MAP3K13: variants seen among roughly 807,000 people sequenced by gnomAD.
The protein encoded by MAP3K13 is leucine zipper-bearing kinase.
In MAP3K13, 52 loss-of-function variants were observed where a neutral mutation model predicts 104.0. The observed-to-expected ratio is 0.50, with a 90% CI of 0.40 to 0.63. MAP3K13 has a LOEUF of 0.63. MAP3K13 is among the 20% of genes least tolerant of loss of function. The pLI, the probability that MAP3K13 is intolerant of heterozygous loss-of-function variation, is 0.00. For synonymous variants in MAP3K13, 394 were observed against 442.2 expected, an observed-to-expected ratio of 0.89 and a Z score of 1.37; for missense variants, 914 against 1,218.5, an observed-to-expected ratio of 0.75 and a Z score of 3.72.
At chr3:185,390,714 C>T (rs1305618394) in intron 1 of MAP3K13, among the ~76,000 whole-genome samples, 2 of 150,824 alleles carry the variant, frequency 1.3e-5, no homozygotes, top group Non-Finnish European at 2.9e-5. Context: ...ACCTCTGCCT[C>T]CCAGGTTCAA....
chr3:185,333,440 A>G (rs1490612762), intron 2 of MAP3K13, among the ~76,000 whole-genome samples: 1 of 152,240 alleles, frequency 6.6e-6, no homozygotes, highest in African/African-American at 2.4e-5. Flanking sequence ...AAAAGAAATA[A>G]AACTGTCATT....
upstream of MAP3K13, among the ~76,000 whole-genome samples, chr3:185,362,574 A>G (rs1723673874): frequency 6.6e-6 from 1 of 152,140 alleles, no homozygotes; most frequent in Non-Finnish European, 1.5e-5. Flanking sequence ...CATTCGTGTA[A>G]TATTATTTTC....
At chr3:185,354,116 C>T (rs991152600) in intron 2 of MAP3K13, among the ~76,000 whole-genome samples, 3 of 152,012 alleles carry the variant, frequency 2.0e-5, no homozygotes, top group Non-Finnish European at 4.4e-5. Flanking sequence ...CTAGGAAGAG[C>T]GGCTCTTGGC....
chr3:185,473,769 G>A lies in MAP3K13; in HGVS notation c.2430+8G>A, dbSNP rs377683244. 6.2e-7 allele frequency: 1 copy of A among 1,608,082 alleles called. No individual in the cohort carries two copies. The highest frequency in any genetic ancestry group is 1.3e-5 in the African/African-American group (1 of 74,656). On this transcript the variant is annotated splice_region_variant and intron_variant, in intron 11 of 13. Transcript: ENST00000265026. The surrounding 1 kb of genome is among the most constrained non-coding windows in gnomAD (Gnocchi z 4.9). ...ACAAGGCCTCTGCAGAAGGTAAAGT[G>A]TAATGATGAGAGTGGCCTGCGTCAC...
chr3:185,456,562 T>C (rs1716758704), intron 7 of MAP3K13, among the ~76,000 whole-genome samples: 1 of 151,918 alleles, frequency 6.6e-6, no homozygotes, highest in African/African-American at 2.4e-5. Flanking sequence ...CTTTCGAACT[T>C]TAAGATATGG....
chr3:185,341,911 A>G (rs985112116), intron 2 of MAP3K13, among the ~76,000 whole-genome samples: 4 of 152,218 alleles, frequency 2.6e-5, no homozygotes, highest in African/African-American at 9.6e-5. Context: ...CAAATCTAAA[A>G]TATTTACTAT....
intron 1 of MAP3K13, among the ~76,000 whole-genome samples, chr3:185,379,060 G>A (rs1327724561): frequency 2.0e-5 from 3 of 152,164 alleles, no homozygotes; most frequent in Non-Finnish European, 4.4e-5. Flanking sequence ...GAAGGGTAGA[G>A]ACACGGAGAA....
In MAP3K13 at chr3:185,426,952, G is replaced by A. The variant is rs375670034; in HGVS notation, c.-85-1545G>A. On this transcript the variant is annotated intron_variant, in intron 1 of 13. Coordinates refer to ENST00000265026, the MANE Select transcript of MAP3K13 (RefSeq NM_004721.5). ...TTCTTTTACCCCCTCTGCAAAATGA[G>A]GTCATCTTCATACCCTGACCTCTAG... Among the ~76,000 whole-genome samples the A allele has an allele frequency of 1.5e-4, 23 of 152,186 alleles. No individual in the cohort carries two copies. The East Asian group carries it at 2.1e-3, about 14-fold the overall frequency.
At chr3:185,454,625 A>C (rs1271146139) in intron 7 of MAP3K13, among the ~76,000 whole-genome samples, 1 of 42,056 alleles carries the variant, frequency 2.4e-5, no homozygotes, top group African/African-American at 5.6e-5. Context: ...TATATATATG[A>C]GATATATATA....
In MAP3K13 at chr3:185,449,965, C is replaced by T. The variant is rs774495315; in HGVS notation, c.1076C>T (p.Ser359Leu). 5.0e-6 allele frequency: 8 copies of T among 1,613,856 alleles called. No individual in the cohort carries two copies. Among genetic ancestry groups the T allele is most frequent in the Non-Finnish European group, 6.8e-6 (8 of 1,179,898 alleles). ...GEIPYKDVDS[S>L]AIIWGVGSNS... is the part of the protein sequence containing the mutation. ...ATCCCTTACAAAGATGTAGATTCTTCAGCCATTATCTGGGGTGTTGGAAGC... is the reference window on the plus strand; with the variant it reads ...ATCCCTTACAAAGATGTAGATTCTTTAGCCATTATCTGGGGTGTTGGAAGC... The change falls in exon 6 of 14, where the codon TCA becomes TTA. Residue 359 changes from serine (S) to leucine (L), a missense_variant. Transcript: ENST00000265026.
At chr3:185,288,592 G>GA (rs1294755844) in intron 2 of MAP3K13, among the ~76,000 whole-genome samples, 1 of 151,092 alleles carries the variant, frequency 6.6e-6, no homozygotes, top group Non-Finnish European at 1.5e-5. Context: ...TAGTCAATGA[G>GA]AAAAAATAAA....
chr3:185,470,656 A>C (rs1354658797), intron 10 of MAP3K13, among the ~76,000 whole-genome samples: 4 of 152,204 alleles, frequency 2.6e-5, no homozygotes, highest in Admixed American at 2.0e-4. Context: ...AGGATATAAT[A>C]CAGAAGGAAT....
intron 2 of MAP3K13, among the ~76,000 whole-genome samples, chr3:185,350,065 T>G (rs1723080340): frequency 6.6e-6 from 1 of 152,248 alleles, no homozygotes; most frequent in Admixed American, 6.5e-5. Flanking sequence ...ATTTAAAATA[T>G]ATTTCCAGAC....
chr3:185,286,030 G>A (rs1204716278), intron 2 of MAP3K13, among the ~76,000 whole-genome samples: 2 of 152,062 alleles, frequency 1.3e-5, no homozygotes, highest in Non-Finnish European at 2.9e-5. Context: ...AATAGTATAT[G>A]TATCAAATCT....
Position 185,407,291 on chromosome 3 carries a change from G to C in MAP3K13, c.-85-21206G>C, listed in dbSNP as rs144001420. Among the ~76,000 whole-genome samples the C allele has an allele frequency of 2.0e-3, 312 of 152,202 alleles. 5 individuals are homozygous for C. Among genetic ancestry groups the C allele is most frequent in the Middle Eastern group, 3.4e-3 (1 of 294 alleles). On this transcript the variant is annotated intron_variant, in intron 1 of 13. Transcript: ENST00000265026. Reference sequence around the variant, plus strand: ...CTAAGGTTGGCTTTCAGATTCTAAAGATATGTAATCGTGACTGTGCTAAAC... The same window carrying C: ...CTAAGGTTGGCTTTCAGATTCTAAACATATGTAATCGTGACTGTGCTAAAC...
At chr3:185,411,453 A>G (rs1315187491) in intron 1 of MAP3K13, among the ~76,000 whole-genome samples, 3 of 152,224 alleles carry the variant, frequency 2.0e-5, no homozygotes, top group African/African-American at 7.2e-5. Flanking sequence ...TCTCAGGTAG[A>G]TTTGCTGGAC....
intron 2 of MAP3K13, among the ~76,000 whole-genome samples, chr3:185,330,157 T>C (rs1722209585): frequency 6.8e-6 from 1 of 147,476 alleles, no homozygotes; most frequent in African/African-American, 2.5e-5. Context: ...CGCCTCGGCC[T>C]CCCAAAGTGC....
At chr3:185,453,700 C>A (rs1405142227) in intron 7 of MAP3K13, among the ~76,000 whole-genome samples, 3 of 148,994 alleles carry the variant, frequency 2.0e-5, no homozygotes, top group Non-Finnish European at 3.0e-5. Flanking sequence ...ACCTGGGAGG[C>A]GGAGGATGCA....
intron 1 of MAP3K13, among the ~76,000 whole-genome samples, chr3:185,419,624 T>C (rs771087572): frequency 6.6e-6 from 1 of 152,184 alleles, no homozygotes; most frequent in Non-Finnish European, 1.5e-5. Flanking sequence ...TTAATATTTA[T>C]ATATTTAAAG....
Sources: allele counts gnomAD v4.1 joint callset (sites outside exome capture counted in the v4.1 genomes callset), GRCh38; gene constraint gnomAD v4.1.1; non-coding constraint Gnocchi (gnomAD v3.1); transcripts MANE v1.5; gene names NCBI Gene and HGNC (gene_info 2026-07-23, HGNC 2026-07-21).